Variants in NUP205 observed in about 807,000 individuals in gnomAD.
NUP205 encodes the protein nucleoporin 205, also known as nuclear pore complex protein Nup205.
NUP205 carries 76 observed loss-of-function variants against 253.8 expected under a neutral mutation model. That is an observed-to-expected ratio of 0.30 (90% CI 0.25 to 0.36). The LOEUF (loss-of-function observed/expected upper bound fraction) is 0.36. Among genes scored for constraint, NUP205 ranks in the 10% least tolerant of loss-of-function variants. NUP205 has a pLI of 1.00. For missense variants in NUP205, 2,162 were observed against 2,425.5 expected, an observed-to-expected ratio of 0.89 and a Z score of 2.28; for synonymous variants, 832 against 850.1, an observed-to-expected ratio of 0.98 and a Z score of 0.37.
At chr7:135,585,114 C>T (rs1806420974) in intron 8 of NUP205, 107 bp downstream of exon 8, 3 of 945,074 alleles carry the variant, frequency 3.2e-6, no homozygotes, top group Non-Finnish European at 4.6e-6. Flanking sequence ...ATTTTTAATA[C>T]AGACTAAAAT....
chr7:135,637,916 T>C lies in NUP205; in HGVS notation c.5137-15T>C, dbSNP rs3800760. ...AATTTTAAATACATTTAACAAGATA[T>C]CTTTTTCTTGTTAGCGCCAGTGCTT... is the stretch of plus-strand genomic sequence containing the variant. On this transcript the variant is annotated splice_polypyrimidine_tract_variant and intron_variant, in intron 36 of 42. Transcript: ENST00000285968. 12,038 of 1,595,562 alleles carry C rather than the reference T, an allele frequency of 7.5e-3. 202 individuals are homozygous for C. Among genetic ancestry groups the C allele is most frequent in the East Asian group, 0.062 (2,760 of 44,596 alleles).
At chr7:135,561,856 A>G (rs1043460292) in intron 1 of NUP205, among the ~76,000 whole-genome samples, 1 of 151,986 alleles carries the variant, frequency 6.6e-6, no homozygotes, top group African/African-American at 2.4e-5. Flanking sequence ...AAGCCTTTCA[A>G]AAGATTTGTT....
intron 39 of NUP205, 44 bp downstream of exon 39, chr7:135,643,402 C>T: frequency 6.5e-7 from 1 of 1,541,780 alleles, no homozygotes; most frequent in Non-Finnish European, 8.9e-7. Context: ...GAAATCATTG[C>T]TGTTACTAGG....
Position 135,587,638 on chromosome 7 carries a change from G to A in NUP205, c.1282G>A (p.Gly428Ser). Residue 428 changes from glycine (G) to serine (S), a missense_variant, in exon 9 of 43, where the codon GGT (glycine) becomes AGT (serine). Gly to Ser is a moderately conservative substitution (Grantham distance 56, BLOSUM62 0). Coordinates refer to ENST00000285968, the MANE Select transcript of NUP205 (RefSeq NM_015135.3). ...AATGATTCACATGAGTATGCAGATG[G>A]GTAATGAACCCCCCATTTCACTTAG... ...ARMIHMSMQM[G>S]NEPPISLRRD... The A allele has an allele frequency of 1.9e-6, 3 of 1,611,514 alleles. No individual in the cohort carries two copies. Among genetic ancestry groups the A allele is most frequent in the Non-Finnish European group, 2.5e-6 (3 of 1,178,812 alleles).
rs1806188913 is a variant in NUP205, at chr7:135,577,709, G to T, written c.649-87G>T. Reference sequence around the variant, plus strand: ...TGGATTTTGATAGGTTTTTTTATTAGCCTTTGTAAAAGGTAGTTTGTACTT... The same window carrying T: ...TGGATTTTGATAGGTTTTTTTATTATCCTTTGTAAAAGGTAGTTTGTACTT... On this transcript the variant is annotated intron_variant, in intron 5 of 42. Transcript: ENST00000285968. 9.5e-6 allele frequency: 9 copies of T among 947,108 alleles called. No homozygotes were observed. In the East Asian group the frequency reaches 2.0e-4, roughly 21 times the overall value. The allele number at this position is 947,108 out of a possible 1,614,324, so 58.7% of individuals were successfully genotyped here.
chr7:135,619,354 G>A, intron 28 of NUP205, 69 bp from the exon 29 acceptor site: 3 of 1,466,286 alleles, frequency 2.0e-6, no homozygotes, highest in Non-Finnish European at 1.9e-6. Flanking sequence ...AAAAAAAAAA[G>A]CTATGAAATT....
Position 135,625,329 on chromosome 7 carries a change from G to A in NUP205, c.4645G>A (p.Ala1549Thr). The change falls in exon 32 of 43, where the codon GCA becomes ACA. Residue 1549 changes from alanine (A) to threonine (T), a missense_variant. Physicochemically the swap from Ala to Thr is moderately conservative, Grantham distance 58. Around this residue, in one of 5 missense-constraint regions of NUP205, gnomAD observed 1,144 missense variants for 1,280.9 expected, o/e 0.89. Coordinates refer to ENST00000285968, the MANE Select transcript of NUP205 (RefSeq NM_015135.3). ...LLTPQPPLLK[A>T]LYTYESKMAF... ...CACCCCACAGCCTCCCCTTTTAAAAGCACTTTATACTTATGAATCTAAAAT... is the reference window on the plus strand; with the variant it reads ...CACCCCACAGCCTCCCCTTTTAAAAACACTTTATACTTATGAATCTAAAAT... 6.2e-7 allele frequency: 1 copy of A among 1,609,524 alleles called. No individual in the cohort carries two copies. The highest frequency in any genetic ancestry group is 8.5e-7 in the Non-Finnish European group (1 of 1,178,722).
At chr7:135,590,415 G>A (rs1289509325) in intron 10 of NUP205, among the ~76,000 whole-genome samples, 1 of 151,706 alleles carries the variant, frequency 6.6e-6, no homozygotes, top group East Asian at 1.9e-4. Flanking sequence ...TGCCCAGCCT[G>A]CTATATTATT....
intron 40 of NUP205, 45 bp from the exon 41 acceptor site, chr7:135,645,423 C>T: frequency 6.3e-7 from 1 of 1,591,554 alleles, no homozygotes; most frequent in Non-Finnish European, 8.6e-7. Flanking sequence ...GTGTGTAAAA[C>T]ATATTTGATG....
At chr7:135,565,157 CTAAA>C (rs1805715917) in intron 1 of NUP205, among the ~76,000 whole-genome samples, 1 of 152,108 alleles carries the variant, frequency 6.6e-6, no homozygotes, top group African/African-American at 2.4e-5. Flanking sequence ...GCTTATTACA[CTAAA>C]TATGTATAGT....
At chr7:135,564,549 G>T (rs955734994) in intron 1 of NUP205, among the ~76,000 whole-genome samples, 11 of 147,246 alleles carry the variant, frequency 7.5e-5, no homozygotes, top group Admixed American at 4.1e-4. Flanking sequence ...CGCCCGGCCT[G>T]TTTTTTTTTT....
At chr7:135,641,372 G>A (rs1028025599) in intron 38 of NUP205, among the ~76,000 whole-genome samples, 2 of 152,212 alleles carry the variant, frequency 1.3e-5, no homozygotes, top group African/African-American at 4.8e-5. Flanking sequence ...TCTTGCTGTA[G>A]ACTAGAAGAG....
chr7:135,575,558 A>G (rs1373725200), intron 3 of NUP205, among the ~76,000 whole-genome samples: 2 of 152,236 alleles, frequency 1.3e-5, no homozygotes, highest in African/African-American at 4.8e-5. Context: ...CCACTTTGGG[A>G]GGCCAAGGCA....
At position 135,573,813 on chromosome 7, in the gene NUP205, C is replaced by A. The variant is rs1458312036; in HGVS notation, c.331C>A (p.Leu111Ile). Residue 111 changes from leucine (L) to isoleucine (I), a missense_variant, in exon 3 of 43, where the codon CTT (leucine) becomes ATT (isoleucine). Around this residue, in one of 5 missense-constraint regions of NUP205, gnomAD observed 109 missense variants for 131.8 expected, o/e 0.83. Coordinates refer to ENST00000285968, the MANE Select transcript of NUP205 (RefSeq NM_015135.3). ...FDIGELAAVE[L>I]LLAGEHQQPH... The stretch of plus-strand genomic sequence containing the variant: ...TATTGGAGAATTGGCAGCTGTTGAG[C>A]TTCTTCTTGCTGGTAGGTTGACATT... The A allele has an allele frequency of 1.2e-6, 2 of 1,608,808 alleles. No homozygotes were observed. Among genetic ancestry groups the A allele is most frequent in the Non-Finnish European group, 1.7e-6 (2 of 1,178,588 alleles).
chr7:135,637,101 AAT>A (rs1794823856), intron 36 of NUP205, among the ~76,000 whole-genome samples: 1 of 152,234 alleles, frequency 6.6e-6, no homozygotes, highest in South Asian at 2.1e-4. Flanking sequence ...CAATTTTTAA[AAT>A]ATATGTTTCA....
intron 34 of NUP205, among the ~76,000 whole-genome samples, chr7:135,630,142 G>A (rs1044346301): frequency 2.6e-5 from 4 of 152,164 alleles, no homozygotes; most frequent in Admixed American, 6.5e-5. Context: ...TTCCTGAAGA[G>A]ATAAATATGT....
At chr7:135,569,041 T>C (rs1284805131) in intron 1 of NUP205, among the ~76,000 whole-genome samples, 5 of 152,206 alleles carry the variant, frequency 3.3e-5, no homozygotes, top group Non-Finnish European at 7.3e-5. Context: ...TCTTCTTTGA[T>C]ACTTTACTGT....
At position 135,622,817 on chromosome 7, in the gene NUP205, T is replaced by G; in HGVS notation, c.4371T>G (p.Asp1457Glu). The change falls in exon 31 of 43, where the codon GAT (aspartate) becomes GAG (glutamate). Residue 1457 changes from aspartate (D) to glutamate (E), a missense_variant. By Grantham distance (45) the Asp-to-Glu change is conservative. This residue lies in a region of NUP205 where 1,144 missense variants were observed against 1,280.9 expected (regional missense o/e 0.89). Coordinates refer to ENST00000285968, the MANE Select transcript of NUP205 (RefSeq NM_015135.3). The part of the protein sequence containing the change: ...TMWERLTAPE[D>E]VFSKLQRENI... The stretch of plus-strand genomic sequence containing the variant: ...GGGAAAGGCTGACAGCCCCTGAAGA[T>G]GTATTTAGCAAATTACAGCGAGAAA... The G allele has an allele frequency of 1.2e-6, 2 of 1,614,176 alleles. No individual in the cohort carries two copies. The highest frequency in any genetic ancestry group is 1.7e-6 in the Non-Finnish European group (2 of 1,180,018).
chr7:135,575,066 T>C (rs1806116606), intron 3 of NUP205, among the ~76,000 whole-genome samples: 1 of 152,240 alleles, frequency 6.6e-6, no homozygotes, highest in South Asian at 2.1e-4. Flanking sequence ...GTGTTAATTA[T>C]ATCACTCCAG....
Sources: gnomAD v4.1 joint callset for allele counts (sites outside exome capture counted in the v4.1 genomes callset) on GRCh38, gnomAD v4.1.1 for gene constraint, gnomAD v4.1.1 regional missense constraint, MANE v1.5 for transcripts, NCBI Gene and HGNC (gene_info 2026-07-23, HGNC 2026-07-21) for gene names.